ACYP2: variants seen among roughly 807,000 people sequenced by gnomAD.
ACYP2 encodes the protein acylphosphatase-2.
Under a neutral mutation model 11.2 loss-of-function variants are expected in ACYP2, and 12 were observed. That is an observed-to-expected ratio of 1.08 (90% CI 0.69 to 1.74). The LOEUF (loss-of-function observed/expected upper bound fraction) is 1.74, where lower values mean the gene tolerates loss of function less well. ACYP2 is among the 40% of genes most tolerant of loss of function. ACYP2 has a pLI of 0.00. For synonymous variants in ACYP2, 43 were observed against 32.2 expected, an observed-to-expected ratio of 1.33 and a Z score of -1.13; for missense variants, 134 against 101.9, an observed-to-expected ratio of 1.31 and a Z score of -1.35.
intron 4 of ACYP2, among the ~76,000 whole-genome samples, chr2:54,078,914 C>T (rs1249047378): frequency 6.6e-6 from 1 of 152,124 alleles, no homozygotes; most frequent in African/African-American, 2.4e-5. Context: ...AGCTTTTTAA[C>T]TTATGATGTC....
chr2:54,041,816 G>C (rs951942990), intron 2 of ACYP2, among the ~76,000 whole-genome samples: 1 of 151,772 alleles, frequency 6.6e-6, no homozygotes, highest in Non-Finnish European at 1.5e-5. Context: ...TTTAGAGTGG[G>C]GTCTTGCTCT....
In ACYP2 at chr2:54,293,715, G is replaced by C. The variant is rs184915304; in HGVS notation, c.405-10973G>C. Among the ~76,000 whole-genome samples, 8 of 152,318 alleles carry C rather than the reference G, an allele frequency of 5.3e-5. No homozygotes were observed. In the East Asian group the frequency reaches 1.5e-3, roughly 29 times the overall value. On this transcript the variant is annotated intron_variant, in intron 6 of 6. Coordinates refer to ENST00000607452, the MANE Select transcript of ACYP2 (RefSeq NM_001320586.2). Reference sequence around the variant, plus strand: ...CTAATCCTTTCAATAGCTCAGTGGGGTGAGTAGCAGTATCATCCTTTTAAA... The same window carrying C: ...CTAATCCTTTCAATAGCTCAGTGGGCTGAGTAGCAGTATCATCCTTTTAAA...
intron 6 of ACYP2, among the ~76,000 whole-genome samples, chr2:54,185,171 C>G (rs1236823935): frequency 6.6e-6 from 1 of 152,196 alleles, no homozygotes; most frequent in Non-Finnish European, 1.5e-5. Flanking sequence ...AGCAAATAAT[C>G]TAAATCCTTT....
At chr2:54,049,217 C>T (rs573952816) in intron 2 of ACYP2, among the ~76,000 whole-genome samples, 47 of 152,156 alleles carry the variant, frequency 3.1e-4, no homozygotes, top group African/African-American at 1.0e-3. Flanking sequence ...GCCAAGATCG[C>T]GTCACTGCAC....
chr2:53,989,490 G>A (rs1031515124), intron 2 of ACYP2, among the ~76,000 whole-genome samples: 6 of 151,920 alleles, frequency 3.9e-5, no homozygotes, highest in Admixed American at 3.9e-4. Context: ...TGTATTTAGG[G>A]TACTTATCAT....
At chr2:54,179,623 G>C (rs934254503) in intron 6 of ACYP2, among the ~76,000 whole-genome samples, 2 of 152,104 alleles carry the variant, frequency 1.3e-5, no homozygotes, top group Admixed American at 6.6e-5. Flanking sequence ...ACTTCCTGAT[G>C]TTGCCATGGC....
chr2:54,271,783 C>T (rs959551588), intron 6 of ACYP2, among the ~76,000 whole-genome samples: 15 of 152,036 alleles, frequency 9.9e-5, no homozygotes, highest in African/African-American at 3.4e-4. Context: ...TTTTGTTAAA[C>T]TAGTGGTTAC....
chr2:54,162,108 A>G (rs1682742207), intron 6 of ACYP2, among the ~76,000 whole-genome samples: 1 of 152,170 alleles, frequency 6.6e-6, no homozygotes, highest in African/African-American at 2.4e-5. Flanking sequence ...TCATTTCTCA[A>G]ATGCATCTTA....
At chr2:54,157,564 T>G (rs1682487462) in intron 6 of ACYP2, among the ~76,000 whole-genome samples, 2 of 152,208 alleles carry the variant, frequency 1.3e-5, no homozygotes, top group South Asian at 4.1e-4. Context: ...ATTAAACAAT[T>G]ATATATTTGA....
At chr2:54,074,408 G>A (rs1255134207) in intron 4 of ACYP2, among the ~76,000 whole-genome samples, 1 of 152,052 alleles carries the variant, frequency 6.6e-6, no homozygotes, top group African/African-American at 2.4e-5. Flanking sequence ...GACCAACCTG[G>A]ACAATACAAT....
intron 4 of ACYP2, among the ~76,000 whole-genome samples, chr2:54,083,685 G>A (rs898370885): frequency 6.6e-6 from 1 of 152,152 alleles, no homozygotes; most frequent in African/African-American, 2.4e-5. Flanking sequence ...GAGTCCTGCT[G>A]ATAATTACTG....
intron 2 of ACYP2, among the ~76,000 whole-genome samples, chr2:54,016,340 C>T (rs1673681256): frequency 6.6e-6 from 1 of 151,768 alleles, no homozygotes. Flanking sequence ...TTTTTTGATT[C>T]ATTAGTTACA....
chr2:54,255,656 G>C, intron 6 of ACYP2: 1 of 1,613,516 alleles, frequency 6.2e-7, no homozygotes, highest in South Asian at 1.1e-5. Context: ...TCGCCTCCTG[G>C]CTTCTCATCC....
At chr2:54,177,903 T>TTC (rs1683534987) in intron 6 of ACYP2, among the ~76,000 whole-genome samples, 2 of 33,668 alleles carry the variant, frequency 5.9e-5, no homozygotes, top group African/African-American at 3.6e-4. Flanking sequence ...CTTTCTTTCT[T>TTC]TATTTTTTTT....
intron 6 of ACYP2, among the ~76,000 whole-genome samples, chr2:54,196,999 T>G (rs1453026556): frequency 4.6e-5 from 7 of 152,216 alleles, no homozygotes; most frequent in African/African-American, 1.7e-4. Context: ...AGCACAACAC[T>G]GAGTTAAAAC....
At position 53,973,031 on chromosome 2, in the gene ACYP2, G is replaced by A. The variant is rs147400599; in HGVS notation, c.-36-682G>A. ...GGAGCCCCACATTTAAGGACAGACAGAGAAAAGGAAGGTAGGCCACAAAGA... is the reference window on the plus strand; with the variant it reads ...GGAGCCCCACATTTAAGGACAGACAAAGAAAAGGAAGGTAGGCCACAAAGA... On this transcript the variant is annotated intron_variant, in intron 1 of 6. Transcript: ENST00000607452. Among the ~76,000 whole-genome samples, 524 of 152,288 alleles carry A rather than the reference G, an allele frequency of 3.4e-3. 4 individuals are homozygous for A. The highest frequency in any genetic ancestry group is 0.012 in the African/African-American group (501 of 41,560).
chr2:54,291,822 C>G lies in ACYP2; in HGVS notation c.405-12866C>G, dbSNP rs550772595. Reference sequence around the variant, plus strand: ...AGTCAGATTCCCCTAATAGGCCTATCAGGAAAAATTGTCCAAGGCTTGAAA... The same window carrying G: ...AGTCAGATTCCCCTAATAGGCCTATGAGGAAAAATTGTCCAAGGCTTGAAA... On this transcript the variant is annotated intron_variant, in intron 6 of 6. Transcript: ENST00000607452. 7.2e-5 allele frequency among the ~76,000 whole-genome samples: 11 copies of G among 152,202 alleles called. 1 individual carries two copies. In the South Asian group the frequency reaches 8.3e-4, roughly 11 times the overall value.
chr2:54,256,286 C>G, intron 6 of ACYP2: 1 of 921,358 alleles, frequency 1.1e-6, no homozygotes, highest in South Asian at 1.7e-5. Context: ...ACACCCACCC[C>G]TCAGTCTCGC....
rs181147318 is a variant in ACYP2 at position 54,035,555 on chromosome 2, G to A, written c.63-15403G>A. On this transcript the variant is annotated intron_variant, in intron 2 of 6. Transcript: ENST00000607452. Reference sequence around the variant, plus strand: ...GCTGGAATTACAGGTGCAAGCCACCGCTCCCGGCCTAGAGACAATTTCAAA... The same window carrying A: ...GCTGGAATTACAGGTGCAAGCCACCACTCCCGGCCTAGAGACAATTTCAAA... Among the ~76,000 whole-genome samples the A allele has an allele frequency of 1.5e-3, 235 of 152,134 alleles. 2 individuals carry two copies. The highest frequency in any genetic ancestry group is 3.7e-3 in the Admixed American group (56 of 15,280).
Sources: gnomAD v4.1 joint callset for allele counts (sites outside exome capture counted in the v4.1 genomes callset) on GRCh38, gnomAD v4.1.1 for gene constraint, MANE v1.5 for transcripts, NCBI Gene and HGNC (gene_info 2026-07-23, HGNC 2026-07-21) for gene names.